UROC1: variants seen among roughly 807,000 people sequenced by gnomAD.
UROC1 encodes urocanate hydratase 1, also known as urocanate hydratase.
In UROC1, 79 loss-of-function variants were observed where a neutral mutation model predicts 89.5. The ratio of observed to expected loss-of-function variants is 0.88; its 90% confidence interval spans 0.74 to 1.06. The LOEUF is 1.06. UROC1 is among the 50% of genes least tolerant of loss of function. The pLI is 0.00. For synonymous variants in UROC1, 361 were observed against 354.8 expected, an observed-to-expected ratio of 1.02 and a Z score of -0.20; for missense variants, 885 against 907.8, an observed-to-expected ratio of 0.97 and a Z score of 0.32.
At chr3:126,504,317 A>G (rs1463100136) in intron 8 of UROC1, among the ~76,000 whole-genome samples, 4 of 152,144 alleles carry the variant, frequency 2.6e-5, no homozygotes, top group Non-Finnish European at 4.4e-5. Flanking sequence ...GCCCCAGGAG[A>G]TGGTCTACGT....
At chr3:126,489,836 G>A (rs991315985) in intron 16 of UROC1, among the ~76,000 whole-genome samples, 3 of 152,244 alleles carry the variant, frequency 2.0e-5, no homozygotes, top group Non-Finnish European at 4.4e-5. Flanking sequence ...AACTTACGAT[G>A]TATTCATTTG....
intron 9 of UROC1, among the ~76,000 whole-genome samples, chr3:126,503,514 C>T (rs1799390): frequency 0.28 from 42,018 of 152,202 alleles, 6,215 homozygotes; most frequent in Non-Finnish European, 0.31. Flanking sequence ...GCACCGTGGG[C>T]GAAGCTCTGC....
intron 18 of UROC1, among the ~76,000 whole-genome samples, chr3:126,485,850 G>A (rs761546832): frequency 5.3e-5 from 8 of 152,132 alleles, no homozygotes; most frequent in Non-Finnish European, 7.3e-5. Context: ...AAAAGTGGCA[G>A]TATCCAGATA....
intron 18 of UROC1, among the ~76,000 whole-genome samples, chr3:126,485,399 G>T (rs1257386131): frequency 2.7e-5 from 4 of 149,288 alleles, no homozygotes; most frequent in Admixed American, 2.0e-4. Flanking sequence ...GTCCATCGGG[G>T]CATCATCCCC....
chr3:126,508,569 C>T (rs1463177696), intron 3 of UROC1, 94 bp from the exon 4 acceptor site: 2 of 1,011,788 alleles, frequency 2.0e-6, no homozygotes, highest in Non-Finnish European at 3.0e-6. Context: ...CCCTGGGGGC[C>T]CAATGGGACA....
intron 16 of UROC1, among the ~76,000 whole-genome samples, 189 bp from the exon 17 acceptor site, chr3:126,489,564 G>A (rs1006655912): frequency 5.9e-5 from 9 of 152,178 alleles, no homozygotes; most frequent in Non-Finnish European, 7.3e-5. Context: ...GGCAGCACTC[G>A]TGTGTAATAC....
Position 126,505,855 on chromosome 3 carries a change from A to C in UROC1, c.670-11T>G. On this transcript the variant is annotated splice_polypyrimidine_tract_variant and intron_variant, in intron 7 of 19. Coordinates refer to ENST00000290868, the MANE Select transcript of UROC1 (RefSeq NM_144639.3). ...ATTCAACACGGTGAGCTGCAGGGAG[A>C]AGAGGTGGGGGCTCACTGCCCACTC... is the stretch of plus-strand genomic sequence containing the variant. The C allele has an allele frequency of 6.2e-7, 1 of 1,613,450 alleles. No homozygotes were observed. The highest frequency in any genetic ancestry group is 8.5e-7 in the Non-Finnish European group (1 of 1,179,990).
rs975671386 is a variant in UROC1 at position 126,490,429 on chromosome 3, G to A, written c.1609-1054C>T. ...TGGCCGGGCACAGTGGCTCATTCTT[G>A]TAATCGTAACACTTCGGGAGGCCAA... is the stretch of plus-strand genomic sequence containing the variant. On this transcript the variant is annotated intron_variant, in intron 16 of 19. Transcript: ENST00000290868. Among the ~76,000 whole-genome samples, 3 of 152,204 alleles carry A rather than the reference G, an allele frequency of 2.0e-5. No individual in the cohort carries two copies. The South Asian group carries it at 6.2e-4, about 32-fold the overall frequency.
At chr3:126,484,009 GC>G (rs34194000) in intron 18 of UROC1, among the ~76,000 whole-genome samples, 93,662 of 152,082 alleles carry the variant, frequency 0.62, 28,996 homozygotes, top group South Asian at 0.7. Context: ...GGGCCACTGT[GC>G]CCCCACCTGA....
Position 126,507,796 on chromosome 3 carries a change from G to A in UROC1, c.548C>T (p.Pro183Leu). 1 of 1,614,124 alleles carries A rather than the reference G, an allele frequency of 6.2e-7. No homozygotes were observed. The highest frequency in any genetic ancestry group is 1.1e-5 in the South Asian group (1 of 91,068). The change falls in exon 6 of 20, where the codon CCC (proline) becomes CTC (leucine). Residue 183 changes from proline to leucine, a missense_variant. By Grantham distance (98) the Pro-to-Leu change is moderately conservative. Coordinates refer to ENST00000290868, the MANE Select transcript of UROC1 (RefSeq NM_144639.3). ...RLVITNGMVI[P>L]NYSSRTEYEK... ...ATACTCCGTCCGGGAGGAGTAGTTG[G>A]GAATGACCTGGAGAAGAGGATGGGG...
rs374924014 is a variant in UROC1, at chr3:126,509,534, G to A, written c.351+51C>T. 46 of 1,455,502 alleles carry A rather than the reference G, an allele frequency of 3.2e-5. 1 individual carries two copies. The highest frequency in any genetic ancestry group is 1.3e-4 in the South Asian group (11 of 82,190). 90.2% of individuals were successfully genotyped at this position (1,455,502 alleles called of 1,614,324 possible). A position where few individuals can be genotyped will look rare whatever the true frequency, so the allele number is the denominator to read the frequency against. On this transcript the variant is annotated intron_variant, in intron 3 of 19. Transcript: ENST00000290868. ...CTTAAAAGCATGACACGTGTGTCTC[G>A]TGTTCTGTTTCTGCTGGACAGTGCT...
At chr3:126,489,245 T>G (rs1935587968) in intron 17 of UROC1, 31 bp downstream of exon 17, 1 of 1,564,822 alleles carries the variant, frequency 6.4e-7, no homozygotes, top group Non-Finnish European at 8.8e-7. Context: ...AAATCTAAGA[T>G]GAAAGTTTAA....
At chr3:126,514,821 A>G (rs943335174) in intron 1 of UROC1, among the ~76,000 whole-genome samples, 5 of 151,798 alleles carry the variant, frequency 3.3e-5, no homozygotes, top group Admixed American at 6.6e-5. Flanking sequence ...CCCTGGTGTC[A>G]TTGTTTTCAT....
Position 126,508,170 on chromosome 3 carries a change from C to T in UROC1, c.412-75G>A, listed in dbSNP as rs146410510. On this transcript the variant is annotated intron_variant, in intron 4 of 19. Coordinates refer to ENST00000290868, the MANE Select transcript of UROC1 (RefSeq NM_144639.3). ...ACACCCAGCCCCACACCACCGTCCA[C>T]GCCTGGACAGCTCCCACAGGCCCCC... The T allele has an allele frequency of 7.6e-4, 1,232 of 1,610,992 alleles. 8 individuals are homozygous for T. The African/African-American group carries it at 0.011, about 14-fold the overall frequency.
chr3:126,498,672 C>T lies in UROC1; in HGVS notation c.1317-500G>A, dbSNP rs562896847. ...CTCCTCCTGGGCAGCCCTCCCTCTC[C>T]GGAGAGTGCCAGCTGACAGTGCTCA... On this transcript the variant is annotated intron_variant, in intron 13 of 19. Transcript: ENST00000290868. Among the ~76,000 whole-genome samples, 117 of 152,178 alleles carry T rather than the reference C, an allele frequency of 7.7e-4. No individual in the cohort carries two copies. The Middle Eastern group carries it at 0.014, about 18-fold the overall frequency.
At chr3:126,495,676 T>C (rs544615113) in intron 15 of UROC1, among the ~76,000 whole-genome samples, 1 of 152,324 alleles carries the variant, frequency 6.6e-6, no homozygotes, top group Admixed American at 6.5e-5. Context: ...AGAAGTGGAA[T>C]TGCTGGGTCA....
At chr3:126,484,862 C>G (rs1935476420) in intron 18 of UROC1, among the ~76,000 whole-genome samples, 1 of 152,212 alleles carries the variant, frequency 6.6e-6, no homozygotes, top group Non-Finnish European at 1.5e-5. Flanking sequence ...AACAGCCATG[C>G]CCAGGCCTGA....
intron 1 of UROC1, among the ~76,000 whole-genome samples, chr3:126,513,812 A>G (rs1353085048): frequency 6.6e-6 from 1 of 152,146 alleles, no homozygotes; most frequent in East Asian, 1.9e-4. Flanking sequence ...GTTAAGCAGT[A>G]GGTATGCCCC....
intron 12 of UROC1, among the ~76,000 whole-genome samples, chr3:126,499,855 G>C (rs1344016194): frequency 6.6e-6 from 1 of 152,214 alleles, no homozygotes; most frequent in Non-Finnish European, 1.5e-5. Flanking sequence ...AGCACATGGA[G>C]AAACTGAGGC....
Sources: allele counts gnomAD v4.1 joint callset (sites outside exome capture counted in the v4.1 genomes callset), GRCh38; gene constraint gnomAD v4.1.1; transcripts MANE v1.5; gene names NCBI Gene and HGNC (gene_info 2026-07-23, HGNC 2026-07-21).